GRK3: variants seen among roughly 807,000 people sequenced by gnomAD.
The protein encoded by GRK3 is adrenergic, beta, receptor kinase 2.
A neutral mutation model predicts 95.7 loss-of-function variants in GRK3; 54 were observed. The ratio of observed to expected loss-of-function variants is 0.56; its 90% confidence interval spans 0.45 to 0.71. The LOEUF (loss-of-function observed/expected upper bound fraction) is 0.71. GRK3 is among the 30% of genes least tolerant of loss of function. The pLI, the probability that GRK3 is intolerant of heterozygous loss-of-function variation, is 0.00. For synonymous variants in GRK3, 281 were observed against 290.8 expected, an observed-to-expected ratio of 0.97 and a Z score of 0.34; for missense variants, 649 against 851.2, an observed-to-expected ratio of 0.76 and a Z score of 2.96.
chr22:25,713,087 T>G (rs2146466793), intron 17 of GRK3, among the ~76,000 whole-genome samples: 1 of 152,388 alleles, frequency 6.6e-6, no homozygotes, highest in Non-Finnish European at 1.5e-5. Context: ...CAAGTCTTTC[T>G]GAAATTATAG....
At position 25,565,144 on chromosome 22, in the gene GRK3, C is replaced by G. The variant is rs753951963; in HGVS notation, c.104C>G (p.Pro35Arg). The change falls in exon 1 of 21, where the codon CCG (proline) becomes CGG (arginine). Residue 35 changes from proline to arginine, a missense_variant. By Grantham distance (103) the Pro-to-Arg change is moderately radical (BLOSUM62 -2). Around this residue, in one of 3 missense-constraint regions of GRK3, gnomAD observed 206 missense variants for 231.4 expected, o/e 0.89. Transcript: ENST00000324198. ...CGCGCCAGCAAGAGGATCGTCCTGC[C>G]GGAGCCCAGGTACCAGCTGCCCCGG... ...AARASKRIVL[P>R]EPSIRSVMQK... The G allele has an allele frequency of 1.3e-6, 2 of 1,523,160 alleles. No individual in the cohort carries two copies. The highest frequency in any genetic ancestry group is 1.8e-6 in the Non-Finnish European group (2 of 1,137,354). 94.4% of individuals were successfully genotyped at this position (1,523,160 alleles called of 1,614,324 possible).
intron 3 of GRK3, among the ~76,000 whole-genome samples, chr22:25,661,133 G>C (rs149540381): frequency 6.6e-6 from 1 of 152,312 alleles, no homozygotes; most frequent in African/African-American, 2.4e-5. Context: ...AATTCTGGCA[G>C]TATATTTTTT....
intron 4 of GRK3, among the ~76,000 whole-genome samples, chr22:25,663,285 A>T (rs2146403034): frequency 6.6e-6 from 1 of 152,242 alleles, no homozygotes; most frequent in East Asian, 1.9e-4. Context: ...TCAACCTCCC[A>T]AAGTGCTGGG....
Position 25,695,179 on chromosome 22 carries a change from C to T in GRK3, c.1125C>T (p.Phe375=), listed in dbSNP as rs139846273. The change falls in exon 13 of 21, where the codon TTC becomes TTT. Residue 375 remains phenylalanine (F), a synonymous_variant. Coordinates refer to ENST00000324198, the MANE Select transcript of GRK3 (RefSeq NM_005160.4). ...GTAYDSSADW[F]SLGCMLFKLL... ...CCTATGACAGCAGTGCCGACTGGTT[C>T]TCCCTGGGCTGCATGCTTTTCAAAC... is the stretch of plus-strand genomic sequence containing the variant. The T allele has an allele frequency of 1.7e-4, 273 of 1,614,034 alleles. No individual in the cohort carries two copies. Among genetic ancestry groups the T allele is most frequent in the Non-Finnish European group, 2.3e-4 (268 of 1,180,000 alleles).
At chr22:25,648,346 G>A (rs768985268) in intron 3 of GRK3, 39 of 1,282,132 alleles carry the variant, frequency 3.0e-5, no homozygotes, top group Non-Finnish European at 4.2e-5. Context: ...GATGGTTTAT[G>A]CCACAAGTTA....
intron 13 of GRK3, among the ~76,000 whole-genome samples, chr22:25,696,829 G>T (rs929312440): frequency 6.6e-6 from 1 of 152,192 alleles, no homozygotes; most frequent in African/African-American, 2.4e-5. Context: ...TAGAAAGTCG[G>T]GTTCTGTTAT....
intron 13 of GRK3, among the ~76,000 whole-genome samples, chr22:25,697,572 C>T (rs2085219470): frequency 6.6e-6 from 1 of 152,158 alleles, no homozygotes; most frequent in Admixed American, 6.5e-5. Flanking sequence ...CGTGGGAAGA[C>T]TGAAAGAGCT....
At chr22:25,615,678 C>T (rs1470507084) in intron 2 of GRK3, among the ~76,000 whole-genome samples, 4 of 142,272 alleles carry the variant, frequency 2.8e-5, no homozygotes, top group Admixed American at 2.1e-4. Context: ...AGCAGAAATC[C>T]ACACCCTTAT....
chr22:25,648,137 G>A, intron 3 of GRK3: 1 of 633,216 alleles, frequency 1.6e-6, no homozygotes, highest in Non-Finnish European at 2.8e-6. Context: ...TAAGCAAACA[G>A]AACAAAACAA....
chr22:25,644,171 G>C (rs1035227539), intron 2 of GRK3, among the ~76,000 whole-genome samples: 8 of 151,248 alleles, frequency 5.3e-5, no homozygotes, highest in African/African-American at 1.9e-4. Context: ...TTTTTAGGGA[G>C]TTTGGTCCTA....
intron 10 of GRK3, 57 bp downstream of exon 10, chr22:25,685,305 C>A: frequency 7.6e-7 from 1 of 1,323,284 alleles, no homozygotes; most frequent in Non-Finnish European, 1.1e-6. Flanking sequence ...GATGTTAAAT[C>A]TTAGCATGCA....
At chr22:25,573,116 C>T (rs539281871) in intron 1 of GRK3, among the ~76,000 whole-genome samples, 53 of 152,334 alleles carry the variant, frequency 3.5e-4, no homozygotes, top group African/African-American at 1.2e-3. Flanking sequence ...TATTTGAAGG[C>T]AGCTCCTCTA....
Position 25,727,792 on chromosome 22 carries a change from TTG to T in GRK3, c.*5346_*5347del, listed in dbSNP as rs2085486156. 1 of 152,242 alleles carries T rather than the reference TTG, an allele frequency of 6.6e-6. No individual in the cohort carries two copies. Among genetic ancestry groups the T allele is most frequent in the Non-Finnish European group, 1.5e-5 (1 of 68,036 alleles). The allele number at this position is 152,242 out of a possible 1,614,324, so 9.4% of individuals were successfully genotyped here. ...GTAGGGAATGGAGAAATATTTTCAATTGTGTATTTGTATTACAAAGAACTTGA... is the reference window on the plus strand; with the variant it reads ...GTAGGGAATGGAGAAATATTTTCAATTGTATTTGTATTACAAAGAACTTGA... On this transcript the variant is annotated 3_prime_UTR_variant, in exon 21 of 21. Transcript: ENST00000324198.
intron 1 of GRK3, among the ~76,000 whole-genome samples, chr22:25,570,314 C>A (rs549034879): frequency 1.3e-5 from 2 of 152,188 alleles, no homozygotes; most frequent in African/African-American, 2.4e-5. Context: ...ATCTCACCCC[C>A]CAAGGCCTCA....
At chr22:25,646,521 CAG>C (rs771789079) in intron 3 of GRK3, among the ~76,000 whole-genome samples, 5 of 152,040 alleles carry the variant, frequency 3.3e-5, no homozygotes, top group Non-Finnish European at 7.4e-5. Flanking sequence ...CAGCAGCTAA[CAG>C]AGTTGAAAGC....
In GRK3 at chr22:25,661,659, A is replaced by T; in HGVS notation, c.348A>T (p.Glu116Asp). The T allele has an allele frequency of 6.2e-7, 1 of 1,609,402 alleles. No individual in the cohort carries two copies. Among genetic ancestry groups the T allele is most frequent in the Non-Finnish European group, 8.5e-7 (1 of 1,176,250 alleles). The change falls in exon 4 of 21, where the codon GAA (glutamate) becomes GAT (aspartate). Residue 116 changes from glutamate (E) to aspartate (D), a missense_variant. Physicochemically the swap from Glu to Asp is conservative, Grantham distance 45. Coordinates refer to ENST00000324198, the MANE Select transcript of GRK3 (RefSeq NM_005160.4). ...TTTATGATGCCTACATCATGAAGGA[A>T]CTTCTTTCCTGTTCACATGTAAGTA... ...RQIYDAYIMKELLSCSHPFSK... is the reference protein window; with the variant it reads ...RQIYDAYIMKDLLSCSHPFSK...
chr22:25,712,508 A>G (rs1414620324), intron 17 of GRK3, among the ~76,000 whole-genome samples: 1 of 152,270 alleles, frequency 6.6e-6, no homozygotes, highest in Non-Finnish European at 1.5e-5. Context: ...ACTAAAAATA[A>G]AACACTATTA....
chr22:25,711,497 G>A (rs1181243144), intron 17 of GRK3, among the ~76,000 whole-genome samples: 1 of 152,154 alleles, frequency 6.6e-6, no homozygotes, highest in Non-Finnish European at 1.5e-5. Flanking sequence ...AGAGCCAGCT[G>A]TCTCAATTCT....
At chr22:25,566,406 G>A (rs1931487098) in intron 1 of GRK3, among the ~76,000 whole-genome samples, 1 of 152,108 alleles carries the variant, frequency 6.6e-6, no homozygotes, top group Non-Finnish European at 1.5e-5. Flanking sequence ...TCATCCATGA[G>A]CCCTATGATA....
Sources: gnomAD v4.1 joint callset for allele counts (sites outside exome capture counted in the v4.1 genomes callset) on GRCh38, gnomAD v4.1.1 for gene constraint, gnomAD v4.1.1 regional missense constraint, MANE v1.5 for transcripts, NCBI Gene and HGNC (gene_info 2026-07-23, HGNC 2026-07-21) for gene names.